The following PDZRN3 variants were observed in gnomAD, a reference collection of about 807,000 sequenced individuals.
The protein encoded by PDZRN3 is E3 ubiquitin-protein ligase PDZRN3.
Under a neutral mutation model 85.7 loss-of-function variants are expected in PDZRN3, and 38 were observed. That is an observed-to-expected ratio of 0.44 (90% CI 0.34 to 0.58). The LOEUF (loss-of-function observed/expected upper bound fraction) is 0.58. Ranked by LOEUF, PDZRN3 falls within the 20% of genes least tolerant of loss-of-function variation. PDZRN3 has a pLI of 0.01. For missense variants in PDZRN3, 1,629 were observed against 1,506.4 expected (o/e 1.08, Z -1.35); for synonymous variants, 759 against 638.0 (o/e 1.19, Z -2.86).
chr3:73,475,982 T>C (rs1243931800), intron 3 of PDZRN3, among the ~76,000 whole-genome samples: 1 of 152,150 alleles, frequency 6.6e-6, no homozygotes, highest in East Asian at 1.9e-4. Context: ...AAATCCTTAA[T>C]TTCAGGCAAG....
At chr3:73,459,396 T>C (rs1703056106) in intron 3 of PDZRN3, among the ~76,000 whole-genome samples, 1 of 152,216 alleles carries the variant, frequency 6.6e-6, no homozygotes. Flanking sequence ...ATGTGCAGGT[T>C]TGTTTTATAG....
At chr3:73,429,483 T>C (rs1702387335) in intron 3 of PDZRN3, among the ~76,000 whole-genome samples, 1 of 152,322 alleles carries the variant, frequency 6.6e-6, no homozygotes, top group South Asian at 2.1e-4. Context: ...AGTAAACTCA[T>C]CTGAGTACTG....
chr3:73,510,296 T>C (rs1453757419), intron 3 of PDZRN3, among the ~76,000 whole-genome samples: 1 of 152,348 alleles, frequency 6.6e-6, no homozygotes, highest in East Asian at 1.9e-4. Flanking sequence ...GTGCTCCTTA[T>C]GTACAACCTT....
intron 6 of PDZRN3, among the ~76,000 whole-genome samples, chr3:73,390,131 A>C (rs1701491133): frequency 6.6e-6 from 1 of 152,154 alleles, no homozygotes; most frequent in Non-Finnish European, 1.5e-5. Context: ...GGCTCTGCTG[A>C]TCTGAGGAGG....
At chr3:73,617,526 A>G (rs1458245481) in intron 1 of PDZRN3, among the ~76,000 whole-genome samples, 1 of 152,136 alleles carries the variant, frequency 6.6e-6, no homozygotes, top group East Asian at 1.9e-4. Context: ...CTTTCTATCC[A>G]ATGGTGCCTA....
intron 3 of PDZRN3, among the ~76,000 whole-genome samples, chr3:73,530,674 A>T (rs1227629746): frequency 6.6e-6 from 1 of 152,228 alleles, no homozygotes; most frequent in African/African-American, 2.4e-5. Flanking sequence ...AAGTAAATTT[A>T]AACCAGAAAT....
chr3:73,383,853 T>C lies in PDZRN3; in HGVS notation c.2713A>G (p.Met905Val). 1.9e-6 allele frequency: 3 copies of C among 1,613,914 alleles called. No homozygotes were observed. Among genetic ancestry groups the C allele is most frequent in the Non-Finnish European group, 2.5e-6 (3 of 1,180,022 alleles). ...GTGGGAGAGCTCAGGTCCTTGCACA[T>C]GCTCACCAGGCTCATCTGGCTTTGC... ...YAQSQMSLVS[M>V]CKDLSSPTPS... Residue 905 changes from methionine (M) to valine (V), a missense_variant, in exon 10 of 10, where the codon ATG (methionine) becomes GTG (valine). By Grantham distance (21) the Met-to-Val change is conservative. Coordinates refer to ENST00000263666, the MANE Select transcript of PDZRN3 (RefSeq NM_015009.3).
intron 3 of PDZRN3, among the ~76,000 whole-genome samples, chr3:73,410,053 G>A (rs1415241104): frequency 6.6e-6 from 1 of 152,128 alleles, no homozygotes; most frequent in Non-Finnish European, 1.5e-5. Flanking sequence ...TACAGGGGGA[G>A]TGATTTCATT....
chr3:73,595,697 G>A (rs973821020), intron 3 of PDZRN3, among the ~76,000 whole-genome samples: 3 of 151,914 alleles, frequency 2.0e-5, no homozygotes, highest in Non-Finnish European at 4.4e-5. Flanking sequence ...TTAATTCAAA[G>A]GAAAAAAGCA....
intron 3 of PDZRN3, among the ~76,000 whole-genome samples, chr3:73,455,500 GC>G (rs987830261): frequency 1.3e-5 from 2 of 152,178 alleles, no homozygotes; most frequent in African/African-American, 4.8e-5. Context: ...CAAGGCATTG[GC>G]CATTATGTGC....
intron 3 of PDZRN3, 71 bp downstream of exon 3, chr3:73,602,283 T>C: frequency 1.2e-6 from 1 of 833,414 alleles, no homozygotes; most frequent in Non-Finnish European, 2.0e-6. Context: ...CAGTCAAACA[T>C]CTTGCTTTGA....
At chr3:73,432,627 C>A (rs1267245548) in intron 3 of PDZRN3, among the ~76,000 whole-genome samples, 3 of 152,056 alleles carry the variant, frequency 2.0e-5, no homozygotes, top group Admixed American at 6.6e-5. Flanking sequence ...AGCATATCAC[C>A]CCCTGGTGGC....
At chr3:73,474,615 G>A in intron 3 of PDZRN3, 2 of 1,256,062 alleles carry the variant, frequency 1.6e-6, no homozygotes, top group Non-Finnish European at 2.1e-6. Context: ...TTTATGTTGA[G>A]AGTACTGAGC....
At chr3:73,624,031 C>A in intron 1 of PDZRN3, 72 bp downstream of exon 1, 1 of 1,342,308 alleles carries the variant, frequency 7.4e-7, no homozygotes, top group South Asian at 1.7e-5. Flanking sequence ...TCCCTGTACC[C>A]AAAGGGATGG....
chr3:73,530,633 T>C (rs1704630447), intron 3 of PDZRN3, among the ~76,000 whole-genome samples: 1 of 140,932 alleles, frequency 7.1e-6, no homozygotes, highest in East Asian at 2.0e-4. Context: ...ATGAGAACAA[T>C]GCAGATCAAA....
At chr3:73,495,763 T>C (rs1435322280) in intron 3 of PDZRN3, among the ~76,000 whole-genome samples, 1 of 152,218 alleles carries the variant, frequency 6.6e-6, no homozygotes, top group Non-Finnish European at 1.5e-5. Context: ...ATATTGGCAA[T>C]AGCAAAAATG....
At chr3:73,490,402 C>T (rs1307205042) in intron 3 of PDZRN3, among the ~76,000 whole-genome samples, 1 of 152,222 alleles carries the variant, frequency 6.6e-6, no homozygotes, top group Non-Finnish European at 1.5e-5. Flanking sequence ...ACAACCAGCA[C>T]ATTCTGACAG....
In PDZRN3 at chr3:73,387,525, T is replaced by G. The variant is rs143564671; in HGVS notation, c.1518+443A>C. On this transcript the variant is annotated intron_variant, in intron 8 of 9. Coordinates refer to ENST00000263666, the MANE Select transcript of PDZRN3 (RefSeq NM_015009.3). The stretch of plus-strand genomic sequence containing the variant: ...GCTCCACGGAGGGCCTAGCACTTAT[T>G]CGGTGGTCATATCAGTTTTAATTAT... Among the ~76,000 whole-genome samples, 692 of 152,316 alleles carry G rather than the reference T, an allele frequency of 4.5e-3. 7 individuals carry two copies. The highest frequency in any genetic ancestry group is 0.016 in the African/African-American group (656 of 41,560).
intron 3 of PDZRN3, among the ~76,000 whole-genome samples, chr3:73,515,000 A>G (rs9833045): frequency 0.98 from 149,190 of 152,108 alleles, 73,239 homozygotes; most frequent in East Asian, 1. Flanking sequence ...TGATTGTAAA[A>G]CAAAATCCCC....
Sources: allele counts gnomAD v4.1 joint callset (sites outside exome capture counted in the v4.1 genomes callset), GRCh38; gene constraint gnomAD v4.1.1; transcripts MANE v1.5; gene names NCBI Gene and HGNC (gene_info 2026-07-23, HGNC 2026-07-21).